The following BMPR1A variants were observed in gnomAD, a reference collection of about 807,000 sequenced individuals.
BMPR1A encodes bone morphogenetic protein receptor type-1A.
In BMPR1A, 7 loss-of-function variants were observed where a neutral mutation model predicts 66.0. The observed-to-expected ratio is 0.11, with a 90% CI of 0.06 to 0.20. The LOEUF is 0.20. BMPR1A is among the 10% of genes least tolerant of loss of function. The pLI is 1.00. For synonymous variants in BMPR1A, 200 were observed against 229.7 expected, an observed-to-expected ratio of 0.87 and a Z score of 1.17; for missense variants, 408 against 669.1, an observed-to-expected ratio of 0.61 and a Z score of 4.31.
At chr10:86,797,063 C>CTTTTTCTTTTCTTTTCTT in intron 1 of BMPR1A, among the ~76,000 whole-genome samples, 1 of 113,976 alleles carries the variant, frequency 8.8e-6, no homozygotes, top group Middle Eastern at 4.1e-3. Flanking sequence ...TTTTTCTTTT[C>CTTTTTCTTTTCTTTTCTT]TTTTCTTTTT....
chr10:86,812,280 C>T (rs1841982191), intron 1 of BMPR1A, among the ~76,000 whole-genome samples: 1 of 152,122 alleles, frequency 6.6e-6, no homozygotes, highest in South Asian at 2.1e-4. Context: ...TTGAAGTACC[C>T]TCTTGAGACT....
intron 1 of BMPR1A, among the ~76,000 whole-genome samples, chr10:86,813,431 T>C (rs1841995474): frequency 6.6e-6 from 1 of 152,226 alleles, no homozygotes; most frequent in Non-Finnish European, 1.5e-5. Flanking sequence ...TGCTTATTGC[T>C]ACTGAGTTAG....
intron 1 of BMPR1A, among the ~76,000 whole-genome samples, chr10:86,802,298 C>T (rs1841823521): frequency 6.6e-6 from 1 of 152,190 alleles, no homozygotes; most frequent in East Asian, 1.9e-4. Flanking sequence ...CCCTTAAGCC[C>T]TGTGTACAGT....
chr10:86,819,015 A>G (rs1842076482), intron 1 of BMPR1A, among the ~76,000 whole-genome samples: 1 of 152,188 alleles, frequency 6.6e-6, no homozygotes, highest in Non-Finnish European at 1.5e-5. Context: ...TGTTTTGGGG[A>G]TGAAATGCGG....
In BMPR1A at chr10:86,925,775, C is replaced by T. The variant is rs563175721; in HGVS notation, c.*2056C>T. On this transcript the variant is annotated 3_prime_UTR_variant, in exon 13 of 13. Coordinates refer to ENST00000372037, the MANE Select transcript of BMPR1A (RefSeq NM_004329.3). ...TCGCTCTGTCGCCCAGGCTGGACTG[C>T]GGACTGCAGTGGCGCAATCTCGGCT... 576 of 147,970 alleles carry T rather than the reference C, an allele frequency of 3.9e-3. 4 individuals carry two copies. The highest frequency in any genetic ancestry group is 9.0e-3 in the African/African-American group (320 of 35,446). The allele number at this position is 147,970 out of a possible 1,614,324, so 9.2% of individuals were successfully genotyped here.
rs557832530 is a variant in BMPR1A at position 86,923,506 on chromosome 10, A to G, written c.1473A>G (p.Glu491=). 3 of 1,614,246 alleles carry G rather than the reference A, an allele frequency of 1.9e-6. No homozygotes were observed. The highest frequency in any genetic ancestry group is 4.5e-5 in the East Asian group (2 of 44,892). Residue 491 remains glutamate, a splice_region_variant and synonymous_variant, in exon 12 of 13, where the codon GAA becomes GAG. Coordinates refer to ENST00000372037, the MANE Select transcript of BMPR1A (RefSeq NM_004329.3). ...PIVSNRWNSD[E]CLRAVLKLMS... is the part of the protein sequence containing the mutation. ...TGTCTAATCGGTGGAACAGTGATGA[A>G]GTGAGTGGAACTCAGTCCCCTGAAG...
At chr10:86,785,525 G>A (rs373764250) in intron 1 of BMPR1A, among the ~76,000 whole-genome samples, 15 of 152,270 alleles carry the variant, frequency 9.9e-5, no homozygotes, top group East Asian at 5.8e-4. Context: ...GGCTGGTCCC[G>A]AACTCCTGAC....
intron 2 of BMPR1A, among the ~76,000 whole-genome samples, chr10:86,864,134 GT>G (rs1842748681): frequency 6.6e-6 from 1 of 152,118 alleles, no homozygotes; most frequent in Admixed American, 6.5e-5. Flanking sequence ...TACATCTCCA[GT>G]TTTGCCTCGC....
At chr10:86,854,716 T>TG in intron 2 of BMPR1A, 1 of 229,100 alleles carries the variant, frequency 4.4e-6, no homozygotes. Flanking sequence ...TGTGATTTGG[T>TG]GGTTTCTTCA....
intron 1 of BMPR1A, among the ~76,000 whole-genome samples, chr10:86,760,562 A>C (rs868573341): frequency 6.6e-5 from 10 of 152,022 alleles, no homozygotes; most frequent in Non-Finnish European, 1.3e-4. Context: ...TACAAATATT[A>C]GTTTCACTAC....
intron 2 of BMPR1A, among the ~76,000 whole-genome samples, chr10:86,844,084 A>G (rs1468864580): frequency 6.6e-6 from 1 of 152,188 alleles, no homozygotes; most frequent in African/African-American, 2.4e-5. Flanking sequence ...GTTGGATCCT[A>G]CTTTTCTAAA....
intron 2 of BMPR1A, among the ~76,000 whole-genome samples, chr10:86,850,225 G>A (rs1842548527): frequency 6.6e-6 from 1 of 152,056 alleles, no homozygotes; most frequent in South Asian, 2.1e-4. Context: ...GGAGGCTGAG[G>A]CAGGAGAATG....
intron 1 of BMPR1A, among the ~76,000 whole-genome samples, chr10:86,807,229 AATACTT>A (rs1259476715): frequency 6.6e-6 from 1 of 152,178 alleles, no homozygotes; most frequent in African/African-American, 2.4e-5. Flanking sequence ...AGTTTATACT[AATACTT>A]CTAATTCTAA....
chr10:86,834,934 C>T (rs1025608591), intron 1 of BMPR1A, among the ~76,000 whole-genome samples: 1 of 151,524 alleles, frequency 6.6e-6, no homozygotes, highest in Non-Finnish European at 1.5e-5. Context: ...GCATGGGGTG[C>T]TTTTTCTGGG....
intron 1 of BMPR1A, among the ~76,000 whole-genome samples, chr10:86,763,041 G>A (rs916960000): frequency 7.2e-5 from 11 of 152,072 alleles, no homozygotes; most frequent in East Asian, 1.9e-4. Context: ...GGTCACAAGC[G>A]TGAGCCACCA....
intron 1 of BMPR1A, among the ~76,000 whole-genome samples, chr10:86,823,753 C>G (rs1347302278): frequency 6.6e-6 from 1 of 152,164 alleles, no homozygotes; most frequent in Non-Finnish European, 1.5e-5. Context: ...GGGCCATGAC[C>G]AGCCACAAAG....
chr10:86,890,264 T>G (rs756514346), intron 4 of BMPR1A, 40 bp downstream of exon 4: 18 of 1,607,796 alleles, frequency 1.1e-5, no homozygotes, highest in Non-Finnish European at 1.5e-5. Flanking sequence ...GTTAGGAGAA[T>G]AGAGTTGCAT....
intron 2 of BMPR1A, among the ~76,000 whole-genome samples, 161 bp downstream of exon 2, chr10:86,839,140 C>T (rs934734452): frequency 1.3e-5 from 2 of 152,104 alleles, no homozygotes; most frequent in African/African-American, 4.8e-5. Flanking sequence ...ATCTTCCTGA[C>T]GAGTTCATAA....
At chr10:86,856,238 C>T in intron 2 of BMPR1A, 1 of 522,510 alleles carries the variant, frequency 1.9e-6, no homozygotes, top group Non-Finnish European at 3.8e-6. Flanking sequence ...TGAACTTCCC[C>T]TTTTAGAAGC....
Sources: allele counts gnomAD v4.1 joint callset (sites outside exome capture counted in the v4.1 genomes callset), GRCh38; gene constraint gnomAD v4.1.1; transcripts MANE v1.5; gene names NCBI Gene and HGNC (gene_info 2026-07-23, HGNC 2026-07-21).